PROS1: variants seen among roughly 807,000 people sequenced by gnomAD.
PROS1 encodes protein S, also known as vitamin K-dependent protein S.
A neutral mutation model predicts 75.9 loss-of-function variants in PROS1; 29 were observed. The observed-to-expected ratio is 0.38, with a 90% CI of 0.28 to 0.52. The LOEUF (loss-of-function observed/expected upper bound fraction) is 0.52, where lower values mean the gene tolerates loss of function less well. Ranked by LOEUF, PROS1 falls within the 20% of genes least tolerant of loss-of-function variation. The pLI is 0.83. For missense variants in PROS1, 680 were observed against 810.3 expected, an observed-to-expected ratio of 0.84 and a Z score of 1.95; for synonymous variants, 245 against 280.6, an observed-to-expected ratio of 0.87 and a Z score of 1.27.
At chr3:93,936,734 T>C (rs564120440) in intron 1 of PROS1, among the ~76,000 whole-genome samples, 9 of 152,192 alleles carry the variant, frequency 5.9e-5, no homozygotes, top group Non-Finnish European at 1.3e-4. Context: ...AGCAGACTAA[T>C]ACACAAGGCA....
intron 1 of PROS1, among the ~76,000 whole-genome samples, chr3:93,933,835 C>A (rs1194166531): frequency 6.6e-6 from 1 of 151,468 alleles, no homozygotes; most frequent in African/African-American, 2.4e-5. Context: ...ATGGTGAAAC[C>A]CCGTCTCTAC....
At chr3:93,902,843 A>G (rs1265501365) in intron 6 of PROS1, among the ~76,000 whole-genome samples, 2 of 151,882 alleles carry the variant, frequency 1.3e-5, no homozygotes, top group African/African-American at 4.8e-5. Flanking sequence ...AACCATTTCT[A>G]CATCTTGGCA....
intron 12 of PROS1, 105 bp from the exon 13 acceptor site, chr3:93,879,419 A>G: frequency 7.0e-7 from 1 of 1,423,096 alleles, no homozygotes; most frequent in Non-Finnish European, 9.9e-7. Flanking sequence ...TATCTTGTGT[A>G]ATACTATTTC....
intron 12 of PROS1, among the ~76,000 whole-genome samples, chr3:93,879,562 A>G (rs1207995186): frequency 6.6e-6 from 1 of 152,218 alleles, no homozygotes; most frequent in Non-Finnish European, 1.5e-5. Flanking sequence ...TGTGGTGTTA[A>G]GGATTATCAT....
In PROS1 at chr3:93,873,362, T is replaced by C. The variant is rs1708135316; in HGVS notation, c.*883A>G. Reference sequence around the variant, plus strand: ...GTTGTCCTTTTGTTAAAATTTGTTCTGGTTTTCATAGTTCCTTTTGTACTT... The same window carrying C: ...GTTGTCCTTTTGTTAAAATTTGTTCCGGTTTTCATAGTTCCTTTTGTACTT... On this transcript the variant is annotated 3_prime_UTR_variant, in exon 15 of 15. Coordinates refer to ENST00000394236, the MANE Select transcript of PROS1 (RefSeq NM_000313.4). 1 of 152,208 alleles carries C rather than the reference T, an allele frequency of 6.6e-6. No homozygotes were observed. The highest frequency in any genetic ancestry group is 2.4e-5 in the African/African-American group (1 of 41,462). 9.4% of individuals were successfully genotyped at this position (152,208 alleles called of 1,614,324 possible).
At chr3:93,926,722 C>T (rs1209489347) in intron 2 of PROS1, among the ~76,000 whole-genome samples, 1 of 152,254 alleles carries the variant, frequency 6.6e-6, no homozygotes, top group African/African-American at 2.4e-5. Flanking sequence ...TGCGCGCGCA[C>T]ACGCACACAC....
chr3:93,885,019 A>T lies in PROS1; in HGVS notation c.1324-123T>A, dbSNP rs1708326696. On this transcript the variant is annotated intron_variant, in intron 11 of 14. Coordinates refer to ENST00000394236, the MANE Select transcript of PROS1 (RefSeq NM_000313.4). Reference sequence around the variant, plus strand: ...TTTGATAATAGTTGAAAATATTTTGAATTTTATTTAAGTTTTTCTTTTCAA... The same window carrying T: ...TTTGATAATAGTTGAAAATATTTTGTATTTTATTTAAGTTTTTCTTTTCAA... 10 of 877,448 alleles carry T rather than the reference A, an allele frequency of 1.1e-5. No homozygotes were observed. In the East Asian group the frequency reaches 2.7e-4, roughly 23 times the overall value. The allele number at this position is 877,448 out of a possible 1,614,324, so 54.4% of individuals were successfully genotyped here. A position where few individuals can be genotyped will look rare whatever the true frequency, so the allele number is the denominator to read the frequency against.
At chr3:93,957,479 T>G (rs180839534) in intron 1 of PROS1, among the ~76,000 whole-genome samples, 144 of 152,292 alleles carry the variant, frequency 9.5e-4, no homozygotes, top group African/African-American at 3.4e-3. Flanking sequence ...CCAGGGAAAG[T>G]TATACAATGA....
chr3:93,955,756 A>T (rs1240025007), intron 1 of PROS1, among the ~76,000 whole-genome samples: 1 of 152,100 alleles, frequency 6.6e-6, no homozygotes, highest in Non-Finnish European at 1.5e-5. Flanking sequence ...AAAATTCTGC[A>T]GGCAATTGTC....
rs765244344 is a variant in PROS1, at chr3:93,900,801, T to A, written c.727+3A>T. On this transcript the variant is annotated splice_donor_region_variant and intron_variant, in intron 7 of 14. Coordinates refer to ENST00000394236, the MANE Select transcript of PROS1 (RefSeq NM_000313.4). Reference sequence around the variant, plus strand: ...ATCAGTAATGATACCACCATCATCCTACCTTCACAAGACTTTGATTTGAGA... The same window carrying A: ...ATCAGTAATGATACCACCATCATCCAACCTTCACAAGACTTTGATTTGAGA... The A allele has an allele frequency of 1.2e-6, 2 of 1,612,522 alleles. No homozygotes were observed. The highest frequency in any genetic ancestry group is 2.2e-5 in the South Asian group (2 of 91,022).
intron 1 of PROS1, among the ~76,000 whole-genome samples, chr3:93,946,133 C>A (rs991852538): frequency 2.8e-4 from 42 of 152,158 alleles, no homozygotes; most frequent in Non-Finnish European, 4.8e-4. Context: ...GAACTACACA[C>A]CACTCCTCAA....
At chr3:93,972,590 G>A (rs1709895299) in intron 1 of PROS1, among the ~76,000 whole-genome samples, 2 of 151,880 alleles carry the variant, frequency 1.3e-5, no homozygotes, top group African/African-American at 4.8e-5. Flanking sequence ...TGTAATCCCA[G>A]CACTTTGGGA....
chr3:93,892,650 C>T (rs897337010), intron 10 of PROS1, among the ~76,000 whole-genome samples: 6 of 151,778 alleles, frequency 4.0e-5, no homozygotes, highest in African/African-American at 1.5e-4. Context: ...TGTTAGGCCT[C>T]CTAATAGTCC....
At chr3:93,899,258 TATA>T (rs1266880271) in intron 7 of PROS1, among the ~76,000 whole-genome samples, 1 of 152,052 alleles carries the variant, frequency 6.6e-6, no homozygotes, top group Non-Finnish European at 1.5e-5. Context: ...CTTGGAAATT[TATA>T]ATATTATGTT....
At chr3:93,948,296 G>T (rs1010931142) in intron 1 of PROS1, among the ~76,000 whole-genome samples, 3 of 151,974 alleles carry the variant, frequency 2.0e-5, no homozygotes, top group African/African-American at 4.8e-5. Flanking sequence ...AAAGTAGGCT[G>T]CAATGAAAAG....
intron 3 of PROS1, among the ~76,000 whole-genome samples, chr3:93,919,031 A>C (rs1235787657): frequency 6.6e-6 from 1 of 152,186 alleles, no homozygotes; most frequent in Admixed American, 6.5e-5. Flanking sequence ...ACTAACCACT[A>C]AGTGTTACAC....
intron 1 of PROS1, among the ~76,000 whole-genome samples, chr3:93,942,416 G>T (rs920443671): frequency 1.1e-4 from 17 of 152,180 alleles, no homozygotes; most frequent in African/African-American, 3.6e-4. Flanking sequence ...TCTCAAGGCT[G>T]CTTTACTTCC....
In PROS1 at chr3:93,940,456, G is replaced by T. The variant is rs896824325; in HGVS notation, c.77-13049C>A. 5.3e-5 allele frequency among the ~76,000 whole-genome samples: 8 copies of T among 152,068 alleles called. No individual in the cohort carries two copies. The South Asian group carries it at 8.3e-4, about 16-fold the overall frequency. On this transcript the variant is annotated intron_variant, in intron 1 of 14. Transcript: ENST00000394236. ...TCCCTTGCCTCCATAACTGTTGTGG[G>T]TACTGACGTCTGGGCTTCTAAATCT...
chr3:93,937,990 G>A (rs1709213739), intron 1 of PROS1, among the ~76,000 whole-genome samples: 1 of 152,130 alleles, frequency 6.6e-6, no homozygotes, highest in South Asian at 2.1e-4. Context: ...GAAGCAGAGG[G>A]ATTAATTTGA....
Sources: allele counts gnomAD v4.1 joint callset (sites outside exome capture counted in the v4.1 genomes callset), GRCh38; gene constraint gnomAD v4.1.1; transcripts MANE v1.5; gene names NCBI Gene and HGNC (gene_info 2026-07-23, HGNC 2026-07-21).